The following BNC2 variants were observed in gnomAD, a reference collection of about 807,000 sequenced individuals.
BNC2 encodes the protein basonuclin zinc finger protein 2.
A neutral mutation model predicts 76.3 loss-of-function variants in BNC2; 20 were observed. The ratio of observed to expected loss-of-function variants is 0.26; its 90% confidence interval spans 0.18 to 0.38. The LOEUF is 0.38. Ranked by LOEUF, BNC2 falls within the 10% of genes least tolerant of loss-of-function variation. The probability of loss-of-function intolerance (pLI) is 1.00; values close to 1 mark genes in which losing one functional copy is unlikely to be tolerated. For missense variants in BNC2, 1,382 were observed against 1,399.8 expected, an observed-to-expected ratio of 0.99 and a Z score of 0.20; for synonymous variants, 582 against 514.8, an observed-to-expected ratio of 1.13 and a Z score of -1.77.
At chr9:16,612,384 C>A (rs7854979) in intron 3 of BNC2, among the ~76,000 whole-genome samples, 71 of 152,226 alleles carry the variant, frequency 4.7e-4, no homozygotes, top group African/African-American at 1.6e-3. Context: ...TCCCCAGCCA[C>A]TTTCTCATAC....
chr9:16,718,688 G>T (rs530967763), intron 3 of BNC2, among the ~76,000 whole-genome samples: 1 of 152,118 alleles, frequency 6.6e-6, no homozygotes, highest in African/African-American at 2.4e-5. Context: ...CTATAGTCAA[G>T]AAAGGAAAAA....
At chr9:16,604,360 G>A (rs1026423389) in intron 3 of BNC2, among the ~76,000 whole-genome samples, 1 of 152,152 alleles carries the variant, frequency 6.6e-6, no homozygotes, top group South Asian at 2.1e-4. Context: ...TTTTAGAAAA[G>A]CTGCATGACA....
intron 5 of BNC2, among the ~76,000 whole-genome samples, chr9:16,526,186 G>A (rs1159474931): frequency 6.6e-6 from 1 of 151,850 alleles, no homozygotes; most frequent in Non-Finnish European, 1.5e-5. Flanking sequence ...TATATATAAA[G>A]GAACACATAC....
At chr9:16,693,127 C>CAAAAAAAAAAAAAAA in intron 3 of BNC2, among the ~76,000 whole-genome samples, 1 of 60,470 alleles carries the variant, frequency 1.7e-5, no homozygotes, top group Non-Finnish European at 2.7e-5. Context: ...AAGACAGTCT[C>CAAAAAAAAAAAAAAA]AAAAAAAAAA....
intron 1 of BNC2, among the ~76,000 whole-genome samples, chr9:16,819,503 A>C (rs913841923): frequency 5.9e-5 from 9 of 152,046 alleles, no homozygotes; most frequent in Non-Finnish European, 1.2e-4. Context: ...TCTCTACTAA[A>C]AATACAAAAA....
chr9:16,846,913 G>A (rs1216505446), intron 1 of BNC2, among the ~76,000 whole-genome samples: 3 of 152,132 alleles, frequency 2.0e-5, no homozygotes, highest in South Asian at 2.1e-4. Flanking sequence ...AAACTGCAAA[G>A]GCAGTATTAG....
At chr9:16,735,138 A>G (rs1824626539) in intron 2 of BNC2, among the ~76,000 whole-genome samples, 1 of 152,232 alleles carries the variant, frequency 6.6e-6, no homozygotes, top group African/African-American at 2.4e-5. Context: ...AGTTTACAAA[A>G]TGTTAGGGAA....
chr9:16,539,623 GA>G (rs1818241511), intron 5 of BNC2, among the ~76,000 whole-genome samples: 1 of 60,320 alleles, frequency 1.7e-5, no homozygotes, highest in African/African-American at 7.9e-5. Context: ...AGAGAGAAGG[GA>G]GGGAGGGAGC....
intron 6 of BNC2, among the ~76,000 whole-genome samples, chr9:16,428,279 C>CA (rs1372807412): frequency 6.6e-6 from 1 of 152,168 alleles, no homozygotes; most frequent in Non-Finnish European, 1.5e-5. Flanking sequence ...CCCTCAGTGA[C>CA]AGAGCAGACT....
intron 5 of BNC2, among the ~76,000 whole-genome samples, chr9:16,485,128 ACACT>A (rs1377233701): frequency 6.6e-6 from 1 of 151,696 alleles, no homozygotes; most frequent in East Asian, 1.9e-4. Flanking sequence ...ACACACACAC[ACACT>A]ATTTCTATTT....
At chr9:16,443,845 G>A (rs569265502) in intron 5 of BNC2, among the ~76,000 whole-genome samples, 1 of 152,338 alleles carries the variant, frequency 6.6e-6, no homozygotes, top group East Asian at 1.9e-4. Flanking sequence ...AAGGGACTGA[G>A]TGTAAAGCAA....
intron 3 of BNC2, among the ~76,000 whole-genome samples, chr9:16,616,026 G>C (rs1820686000): frequency 6.6e-6 from 1 of 152,104 alleles, no homozygotes; most frequent in African/African-American, 2.4e-5. Flanking sequence ...ATTACATCAA[G>C]ATAACTCCAA....
chr9:16,709,429 A>T (rs1823770631), intron 3 of BNC2, among the ~76,000 whole-genome samples: 1 of 152,188 alleles, frequency 6.6e-6, no homozygotes, highest in Non-Finnish European at 1.5e-5. Flanking sequence ...GATTTTAATT[A>T]AACAGTACAC....
At chr9:16,628,912 G>A (rs1821078377) in intron 3 of BNC2, among the ~76,000 whole-genome samples, 1 of 152,180 alleles carries the variant, frequency 6.6e-6, no homozygotes, top group Admixed American at 6.5e-5. Flanking sequence ...CTTCTGTAGT[G>A]TCTGAAGGCA....
intron 1 of BNC2, among the ~76,000 whole-genome samples, chr9:16,777,700 CAAA>C (rs3084426): frequency 2.0e-5 from 2 of 100,468 alleles, no homozygotes; most frequent in African/African-American, 9.5e-5. Flanking sequence ...GACTCCATCT[CAAA>C]AAAAAAAAAA....
At chr9:16,580,877 C>T (rs949877587) in intron 4 of BNC2, among the ~76,000 whole-genome samples, 1 of 152,080 alleles carries the variant, frequency 6.6e-6, no homozygotes, top group Non-Finnish European at 1.5e-5. Flanking sequence ...AAAGTAGGAA[C>T]TATTAATCCT....
intron 3 of BNC2, among the ~76,000 whole-genome samples, chr9:16,644,020 T>C (rs1484906145): frequency 2.6e-5 from 4 of 152,192 alleles, no homozygotes; most frequent in African/African-American, 9.6e-5. Context: ...AAGAGAACCT[T>C]AGAAGAGCTT....
chr9:16,489,820 A>G (rs1046891976), intron 5 of BNC2, among the ~76,000 whole-genome samples: 4 of 152,224 alleles, frequency 2.6e-5, no homozygotes, highest in African/African-American at 4.8e-5. Flanking sequence ...AGGTGACTCA[A>G]AAGAATGTTA....
chr9:16,541,781 T>C (rs1443519242), intron 5 of BNC2, among the ~76,000 whole-genome samples: 1 of 152,174 alleles, frequency 6.6e-6, no homozygotes. Context: ...GATACTCTAT[T>C]GTCAGTTTCT....
Sources: allele counts gnomAD v4.1 joint callset (sites outside exome capture counted in the v4.1 genomes callset), GRCh38; gene constraint gnomAD v4.1.1; transcripts MANE v1.5; gene names NCBI Gene and HGNC (gene_info 2026-07-23, HGNC 2026-07-21).